The following CPEB3 variants were observed in gnomAD, a reference collection of about 807,000 sequenced individuals.
The protein encoded by CPEB3 is cytoplasmic polyadenylation element-binding protein 3.
Under a neutral mutation model 67.2 loss-of-function variants are expected in CPEB3, and 20 were observed. The observed-to-expected ratio is 0.30, with a 90% CI of 0.21 to 0.43. The LOEUF is 0.43. Among genes scored for constraint, CPEB3 ranks in the 20% least tolerant of loss-of-function variants. The pLI is 1.00. For missense variants in CPEB3, 746 were observed against 968.6 expected (o/e 0.77, Z 3.05); for synonymous variants, 376 against 393.1 (o/e 0.96, Z 0.51).
At chr10:92,141,181 C>G (rs1354179840) in intron 6 of CPEB3, among the ~76,000 whole-genome samples, 6 of 138,584 alleles carry the variant, frequency 4.3e-5, no homozygotes, top group Non-Finnish European at 9.2e-5. Context: ...CACATGCACA[C>G]GTATGTTTAT....
chr10:92,275,372 A>G (rs2135022954), intron 1 of CPEB3, among the ~76,000 whole-genome samples: 1 of 152,322 alleles, frequency 6.6e-6, no homozygotes, highest in Middle Eastern at 3.4e-3. Flanking sequence ...AAAAAATCCT[A>G]AATGATGGAT....
chr10:92,225,163 T>TG (rs1338513806), intron 2 of CPEB3, among the ~76,000 whole-genome samples: 1 of 151,840 alleles, frequency 6.6e-6, no homozygotes, highest in Non-Finnish European at 1.5e-5. Flanking sequence ...TTAGTAGAGA[T>TG]GGGGTTGCAC....
intron 1 of CPEB3, among the ~76,000 whole-genome samples, chr10:92,282,503 C>T (rs1320568148): frequency 1.3e-5 from 2 of 151,876 alleles, no homozygotes; most frequent in African/African-American, 4.8e-5. Context: ...GCCTGACCAA[C>T]ATGGTAAAAC....
At chr10:92,173,662 C>T (rs1848104764) in intron 4 of CPEB3, among the ~76,000 whole-genome samples, 2 of 152,146 alleles carry the variant, frequency 1.3e-5, no homozygotes, top group South Asian at 4.1e-4. Flanking sequence ...CTGCTCCTAG[C>T]TCCATATCAC....
intron 7 of CPEB3, among the ~76,000 whole-genome samples, chr10:92,092,203 G>T (rs1404649890): frequency 6.6e-6 from 1 of 152,120 alleles, no homozygotes; most frequent in African/African-American, 2.4e-5. Flanking sequence ...TCTGCCTGTG[G>T]TTTTTTTATT....
chr10:92,269,523 C>T (rs898430299), intron 1 of CPEB3, among the ~76,000 whole-genome samples: 1 of 152,048 alleles, frequency 6.6e-6, no homozygotes. Context: ...AGTGTCATTT[C>T]AACTGTGCAT....
chr10:92,156,789 G>C (rs368930611), intron 4 of CPEB3, among the ~76,000 whole-genome samples: 5 of 152,170 alleles, frequency 3.3e-5, no homozygotes, highest in South Asian at 4.1e-4. Flanking sequence ...TTTTACACAT[G>C]ATGATGATGA....
intron 2 of CPEB3, among the ~76,000 whole-genome samples, chr10:92,220,827 T>C (rs1385362358): frequency 6.6e-6 from 1 of 152,196 alleles, no homozygotes; most frequent in Non-Finnish European, 1.5e-5. Context: ...CATTCTAGCC[T>C]GTAAGTAGTA....
At chr10:92,141,228 AC>A (rs1474192100) in intron 6 of CPEB3, among the ~76,000 whole-genome samples, 3 of 148,298 alleles carry the variant, frequency 2.0e-5, no homozygotes, top group African/African-American at 7.5e-5. Flanking sequence ...CTTGGAACCA[AC>A]CCAAATGTCC....
At chr10:92,213,146 T>C (rs1850177638) in intron 2 of CPEB3, among the ~76,000 whole-genome samples, 1 of 152,108 alleles carries the variant, frequency 6.6e-6, no homozygotes, top group Non-Finnish European at 1.5e-5. Flanking sequence ...TAAAACCACA[T>C]TATGAGTAAC....
chr10:92,277,233 T>C (rs1354585395), intron 1 of CPEB3, among the ~76,000 whole-genome samples: 1 of 152,198 alleles, frequency 6.6e-6, no homozygotes, highest in East Asian at 1.9e-4. Flanking sequence ...GTCATGTAGA[T>C]TTATGCCTAT....
chr10:92,115,839 A>T (rs2133547147), intron 6 of CPEB3, among the ~76,000 whole-genome samples: 1 of 152,320 alleles, frequency 6.6e-6, no homozygotes, highest in Non-Finnish European at 1.5e-5. Flanking sequence ...ACAAAAAAAA[A>T]TTTAGTATGC....
chr10:92,254,017 C>A (rs1852416185), intron 1 of CPEB3, among the ~76,000 whole-genome samples: 1 of 151,970 alleles, frequency 6.6e-6, no homozygotes, highest in Non-Finnish European at 1.5e-5. Flanking sequence ...TCACTTGAGC[C>A]CAAGAGTTTG....
chr10:92,071,045 TAC>T (rs924521065), intron 9 of CPEB3, among the ~76,000 whole-genome samples: 3 of 149,394 alleles, frequency 2.0e-5, no homozygotes, highest in African/African-American at 2.5e-5. Flanking sequence ...CAGAGTGCTT[TAC>T]AGTTTTCAAA....
At chr10:92,284,097 G>A (rs1214583334) in intron 1 of CPEB3, among the ~76,000 whole-genome samples, 3 of 146,988 alleles carry the variant, frequency 2.0e-5, no homozygotes, top group African/African-American at 7.6e-5. Flanking sequence ...GGAGTGCAGT[G>A]GTGCAATCTC....
At chr10:92,265,790 CTTTTTTT>C (rs761530938) in intron 1 of CPEB3, among the ~76,000 whole-genome samples, 3 of 138,396 alleles carry the variant, frequency 2.2e-5, no homozygotes, top group Non-Finnish European at 3.2e-5. Flanking sequence ...AAAAAGTTTT[CTTTTTTT>C]TTTTTTTCAA....
intron 2 of CPEB3, among the ~76,000 whole-genome samples, chr10:92,205,315 C>CA (rs1385390456): frequency 2.0e-5 from 3 of 152,132 alleles, no homozygotes; most frequent in Non-Finnish European, 4.4e-5. Context: ...CTGATTAAGT[C>CA]ATAGCTACCA....
Position 92,168,794 on chromosome 10 carries a change from T to C in CPEB3, c.1222+12169A>G, listed in dbSNP as rs571166600. 1.8e-3 allele frequency among the ~76,000 whole-genome samples: 260 copies of C among 148,356 alleles called. 1 individual carries two copies. Among genetic ancestry groups the C allele is most frequent in the African/African-American group, 6.3e-3 (254 of 40,106 alleles). ...TGAGTCAATTAAACCTCTTGCCCTT[T>C]TTTTTTTTTTTTTTTTTTGAGATGG... is the stretch of plus-strand genomic sequence containing the variant. On this transcript the variant is annotated intron_variant, in intron 4 of 9. Coordinates refer to ENST00000265997, the MANE Select transcript of CPEB3 (RefSeq NM_014912.5).
chr10:92,073,575 A>C (rs1188971915), intron 9 of CPEB3, among the ~76,000 whole-genome samples: 2 of 152,028 alleles, frequency 1.3e-5, no homozygotes, highest in Non-Finnish European at 2.9e-5. Context: ...AGTAGCTAGG[A>C]CTACTGGCAT....
Sources: allele counts gnomAD v4.1 joint callset (sites outside exome capture counted in the v4.1 genomes callset), GRCh38; gene constraint gnomAD v4.1.1; transcripts MANE v1.5; gene names NCBI Gene and HGNC (gene_info 2026-07-23, HGNC 2026-07-21).